RTTN: variants seen among roughly 807,000 people sequenced by gnomAD.
The protein encoded by RTTN is rotatin.
RTTN carries 182 observed loss-of-function variants against 269.2 expected under a neutral mutation model. That is an observed-to-expected ratio of 0.68 (90% CI 0.60 to 0.76). RTTN has a LOEUF of 0.76. RTTN is among the 30% of genes least tolerant of loss of function. The pLI is 0.00. For missense variants in RTTN, 2,545 were observed against 2,608.6 expected (o/e 0.98, Z 0.53); for synonymous variants, 1,006 against 963.5 (o/e 1.04, Z -0.82).
intron 10 of RTTN, among the ~76,000 whole-genome samples, chr18:70,177,651 C>G (rs1159812030): frequency 6.6e-6 from 1 of 151,858 alleles, no homozygotes; most frequent in African/African-American, 2.4e-5. Context: ...TTTCAATTTT[C>G]CATTGAAAAC....
chr18:70,112,655 A>AT (rs2059502455), intron 27 of RTTN, among the ~76,000 whole-genome samples: 1 of 152,192 alleles, frequency 6.6e-6, no homozygotes. Context: ...AGGAGCACCC[A>AT]GATTCATAAA....
chr18:70,174,895 G>A (rs898103556), intron 11 of RTTN, among the ~76,000 whole-genome samples: 1 of 150,944 alleles, frequency 6.6e-6, no homozygotes, highest in African/African-American at 2.4e-5. Flanking sequence ...GGGTGTGGTG[G>A]CTCACACCTA....
At chr18:70,152,328 T>A (rs1424895480) in intron 14 of RTTN, among the ~76,000 whole-genome samples, 3 of 152,190 alleles carry the variant, frequency 2.0e-5, no homozygotes, top group African/African-American at 7.2e-5. Flanking sequence ...AAGCCCAGTT[T>A]CACCACTTTT....
Position 70,059,888 on chromosome 18 carries a change from CT to C in RTTN, c.4901del (p.Lys1634ArgfsTer9). 1.2e-6 allele frequency: 2 copies of C among 1,612,294 alleles called. No homozygotes were observed. Among genetic ancestry groups the C allele is most frequent in the Non-Finnish European group, 1.7e-6 (2 of 1,178,974 alleles). On this transcript the variant is annotated frameshift_variant, in exon 36 of 49. Coordinates refer to ENST00000640769, the MANE Select transcript of RTTN (RefSeq NM_173630.4). LOFTEE classifies it high-confidence loss of function. ...CTATGAGATGAGCTTGTCGAAAAGC[CT>C]TTGCAGTGTCTCTGGGAGCAATCGT... ...LLTIAPRDTAKAFRQAHLIEL... is the reference protein window; with the variant it reads ...LLTIAPRDTAXAFRQAHLIEL...
At chr18:70,013,417 G>GT (rs1163933415) in intron 46 of RTTN, among the ~76,000 whole-genome samples, 2 of 151,342 alleles carry the variant, frequency 1.3e-5, no homozygotes, top group Non-Finnish European at 2.9e-5. Flanking sequence ...GTGTGTCTGT[G>GT]TGTGTGTGTG....
intron 12 of RTTN, 69 bp downstream of exon 12, chr18:70,168,786 G>A: frequency 8.4e-7 from 1 of 1,187,204 alleles, no homozygotes; most frequent in Non-Finnish European, 1.2e-6. Context: ...CCATCAATTT[G>A]AAAAGTATAG....
At chr18:70,110,856 G>T (rs2059446459) in intron 27 of RTTN, among the ~76,000 whole-genome samples, 1 of 152,196 alleles carries the variant, frequency 6.6e-6, no homozygotes, top group South Asian at 2.1e-4. Context: ...AGATTGACCT[G>T]GGACGCTAGA....
chr18:70,030,125 T>G lies in RTTN; in HGVS notation c.5648-16A>C. 1 of 1,540,044 alleles carries G rather than the reference T, an allele frequency of 6.5e-7. No individual in the cohort carries two copies. The highest frequency in any genetic ancestry group is 9.0e-7 in the Non-Finnish European group (1 of 1,116,158). On this transcript the variant is annotated splice_polypyrimidine_tract_variant and intron_variant, in intron 41 of 48. Coordinates refer to ENST00000640769, the MANE Select transcript of RTTN (RefSeq NM_173630.4). Reference sequence around the variant, plus strand: ...ATAAGATTGGCTGAAAGACAAAATCTGCAGTAGTCAAAAGGATATTCTATT... The same window carrying G: ...ATAAGATTGGCTGAAAGACAAAATCGGCAGTAGTCAAAAGGATATTCTATT...
intron 25 of RTTN, among the ~76,000 whole-genome samples, chr18:70,126,991 C>T (rs956521957): frequency 2.6e-5 from 4 of 152,150 alleles, no homozygotes; most frequent in Non-Finnish European, 5.9e-5. Flanking sequence ...CAACCATCTG[C>T]TACAAGTTAA....
chr18:70,093,484 C>T (rs755897852), intron 28 of RTTN, among the ~76,000 whole-genome samples: 21 of 152,022 alleles, frequency 1.4e-4, no homozygotes, highest in Non-Finnish European at 2.6e-4. Context: ...TCATCAATAC[C>T]TAGTTTATTG....
chr18:70,156,947 T>G (rs531261477), intron 14 of RTTN, among the ~76,000 whole-genome samples: 118 of 152,284 alleles, frequency 7.7e-4, no homozygotes, highest in Non-Finnish European at 1.5e-3. Flanking sequence ...GGGTCCTGTC[T>G]GTCTCACTAG....
At chr18:70,147,600 G>A (rs140113832) in intron 17 of RTTN, among the ~76,000 whole-genome samples, 2 of 152,214 alleles carry the variant, frequency 1.3e-5, no homozygotes, top group East Asian at 3.9e-4. Context: ...CAACGGACAG[G>A]GTTCCTGTCT....
In RTTN at chr18:70,148,993, AAGG is replaced by A. The variant is rs1440940918; in HGVS notation, c.2214_2216del (p.Leu740del). 1 of 1,613,552 alleles carries A rather than the reference AAGG, an allele frequency of 6.2e-7. No individual in the cohort carries two copies. ...CTGTGTCAGAACTTGCTTTGCTTAG[AAGG>A]AGAATGCAGTTACCCAGAGGATCTT... On this transcript the variant is annotated inframe_deletion, in exon 17 of 49. Coordinates refer to ENST00000640769, the MANE Select transcript of RTTN (RefSeq NM_173630.4).
chr18:70,063,336 T>C (rs2144933262), intron 35 of RTTN, among the ~76,000 whole-genome samples: 1 of 152,356 alleles, frequency 6.6e-6, no homozygotes, highest in South Asian at 2.1e-4. Flanking sequence ...TATAATATTT[T>C]TCCAAAGATA....
chr18:70,128,729 C>T (rs562283834), intron 23 of RTTN, 183 bp from the exon 24 acceptor site: 10 of 547,070 alleles, frequency 1.8e-5, no homozygotes, highest in Non-Finnish European at 2.9e-5. Context: ...CTTTTCATCT[C>T]CTCTAAACTC....
chr18:70,171,346 C>T (rs988196959), intron 11 of RTTN, among the ~76,000 whole-genome samples: 1 of 152,208 alleles, frequency 6.6e-6, no homozygotes, highest in Admixed American at 6.5e-5. Context: ...TAAGAGAGTT[C>T]TCTCTGACTC....
rs1396284006 is a variant in RTTN, at chr18:70,197,755, TA to T, written c.579-18del. On this transcript the variant is annotated intron_variant, in intron 5 of 48. Transcript: ENST00000640769. ...CTTAAAGAGCTACAAAACATAGCGT[TA>T]ATCATTTTTAAGAAGAGTTCATCTA... The T allele has an allele frequency of 2.1e-6, 3 of 1,445,222 alleles. No homozygotes were observed. The highest frequency in any genetic ancestry group is 2.9e-6 in the Non-Finnish European group (3 of 1,027,032). 89.5% of individuals were successfully genotyped at this position (1,445,222 alleles called of 1,614,324 possible).
chr18:70,202,702 T>C (rs144693529), intron 3 of RTTN, among the ~76,000 whole-genome samples: 38 of 152,372 alleles, frequency 2.5e-4, no homozygotes, highest in African/African-American at 6.0e-4. Flanking sequence ...ATCCTGCATC[T>C]GCTACAGGTT....
At chr18:70,117,042 T>C (rs1424659931) in intron 26 of RTTN, among the ~76,000 whole-genome samples, 11 of 152,116 alleles carry the variant, frequency 7.2e-5, no homozygotes, top group Non-Finnish European at 1.0e-4. Context: ...AATTACAATA[T>C]GTTTGTAATA....
Sources: allele counts gnomAD v4.1 joint callset (sites outside exome capture counted in the v4.1 genomes callset), GRCh38; gene constraint gnomAD v4.1.1; transcripts MANE v1.5; gene names NCBI Gene and HGNC (gene_info 2026-07-23, HGNC 2026-07-21).